Variants in EML5 observed in about 807,000 individuals in gnomAD.
EML5 encodes the protein EMAP like 5, also known as echinoderm microtubule-associated protein-like 5.
A neutral mutation model predicts 250.0 loss-of-function variants in EML5; 120 were observed. The ratio of observed to expected loss-of-function variants is 0.48; its 90% CI spans 0.41 to 0.56. EML5 has a LOEUF of 0.56. Ranked by LOEUF, EML5 falls within the 20% of genes least tolerant of loss-of-function variation. The probability of loss-of-function intolerance (pLI) is 0.00; values close to 1 mark genes in which losing one functional copy is unlikely to be tolerated. For synonymous variants in EML5, 771 were observed against 806.5 expected, an observed-to-expected ratio of 0.96 and a Z score of 0.75; for missense variants, 2,006 against 2,437.6, an observed-to-expected ratio of 0.82 and a Z score of 3.73.
intron 1 of EML5, among the ~76,000 whole-genome samples, chr14:88,760,876 AT>A (rs1464230687): frequency 5.9e-5 from 9 of 152,110 alleles, no homozygotes; most frequent in Non-Finnish European, 1.0e-4. Flanking sequence ...CCTTGCATAG[AT>A]TTTGTAAAAT....
chr14:88,649,670 T>C (rs572319781), intron 28 of EML5, among the ~76,000 whole-genome samples: 3 of 152,330 alleles, frequency 2.0e-5, no homozygotes, highest in African/African-American at 2.4e-5. Flanking sequence ...TTCATTTGCA[T>C]TGTAGTAGTT....
intron 33 of EML5, among the ~76,000 whole-genome samples, chr14:88,628,868 T>C (rs1293613789): frequency 6.6e-6 from 1 of 152,000 alleles, no homozygotes; most frequent in Non-Finnish European, 1.5e-5. Context: ...AAGTAGAAAT[T>C]GTTCAAAGAT....
chr14:88,642,702 C>G (rs567367120), intron 31 of EML5, among the ~76,000 whole-genome samples, 191 bp downstream of exon 31: 41 of 152,272 alleles, frequency 2.7e-4, no homozygotes, highest in African/African-American at 9.6e-4. Flanking sequence ...CTGTATTATA[C>G]TCTCTTAAAA....
Position 88,620,948 on chromosome 14 carries a change from AAAAG to A in EML5, c.5203-26_5203-23del, listed in dbSNP as rs761483664. On this transcript the variant is annotated intron_variant, in intron 38 of 43. Coordinates refer to ENST00000554922, the MANE Select transcript of EML5 (RefSeq NM_183387.3). This position sits in a 1 kb window ranked among gnomAD's most constrained non-coding sequence, Gnocchi z 4.3. Reference sequence around the variant, plus strand: ...TCTTCTGCATTTAAAAAAAAAAAAAAAAAGAGTCATAGGAAACATTAAGTGAAGT... The same window carrying A: ...TCTTCTGCATTTAAAAAAAAAAAAAAAGTCATAGGAAACATTAAGTGAAGT... The A allele has an allele frequency of 2.2e-5, 33 of 1,489,382 alleles. No individual in the cohort carries two copies. Among genetic ancestry groups the A allele is most frequent in the Non-Finnish European group, 2.8e-5 (31 of 1,124,972 alleles). 92.3% of individuals were successfully genotyped at this position (1,489,382 alleles called of 1,614,324 possible). A position where few individuals can be genotyped will look rare whatever the true frequency, so the allele number is the denominator to read the frequency against.
chr14:88,653,461 A>G (rs1353226404), intron 27 of EML5, among the ~76,000 whole-genome samples: 3 of 152,110 alleles, frequency 2.0e-5, no homozygotes, highest in African/African-American at 7.2e-5. Flanking sequence ...TTACTTTGAG[A>G]TATGTTCCAT....
chr14:88,739,125 A>G, intron 5 of EML5, 111 bp from the exon 6 acceptor site: 1 of 978,544 alleles, frequency 1.0e-6, no homozygotes. Context: ...AGGATATAAG[A>G]ATAAACAAAT....
At chr14:88,664,833 C>G (rs1443852576) in intron 22 of EML5, among the ~76,000 whole-genome samples, 1 of 151,946 alleles carries the variant, frequency 6.6e-6, no homozygotes, top group African/African-American at 2.4e-5. Context: ...CAAATTAGTT[C>G]AGTGGGAAGC....
At chr14:88,726,206 G>A (rs777743661) in intron 8 of EML5, among the ~76,000 whole-genome samples, 10 of 152,082 alleles carry the variant, frequency 6.6e-5, no homozygotes, top group African/African-American at 9.7e-5. Context: ...CTTGTTAAAC[G>A]GAGAGGGATC....
chr14:88,741,156 C>T (rs950018889), intron 4 of EML5, among the ~76,000 whole-genome samples: 6 of 151,256 alleles, frequency 4.0e-5, no homozygotes, highest in African/African-American at 7.3e-5. Context: ...AGTGAGACTC[C>T]GTCTCAAGAA....
chr14:88,731,217 C>T (rs1482278551), intron 7 of EML5, among the ~76,000 whole-genome samples: 3 of 131,532 alleles, frequency 2.3e-5, no homozygotes, highest in East Asian at 4.8e-4. Context: ...TATCCCTCCC[C>T]CCTCCCCCCA....
At chr14:88,756,785 T>A (rs1273845087) in intron 1 of EML5, among the ~76,000 whole-genome samples, 1 of 152,036 alleles carries the variant, frequency 6.6e-6, no homozygotes, top group Admixed American at 6.6e-5. Context: ...AGTACAAGAT[T>A]TGTACACTGA....
At chr14:88,770,868 C>T (rs529846311) in intron 1 of EML5, among the ~76,000 whole-genome samples, 83 of 152,254 alleles carry the variant, frequency 5.5e-4, no homozygotes, top group African/African-American at 1.9e-3. Flanking sequence ...TATTGTGACA[C>T]TATCATCTGA....
intron 14 of EML5, among the ~76,000 whole-genome samples, chr14:88,698,012 C>A (rs2093120108): frequency 6.6e-6 from 1 of 152,142 alleles, no homozygotes; most frequent in Non-Finnish European, 1.5e-5. Context: ...GCTGGGATTA[C>A]AGGTGTGAGC....
chr14:88,621,378 T>C lies in EML5; in HGVS notation c.5014-77A>G, dbSNP rs2088889912. 4 of 1,554,190 alleles carry C rather than the reference T, an allele frequency of 2.6e-6. No individual in the cohort carries two copies. The South Asian group carries it at 4.5e-5, about 18-fold the overall frequency. ...CTTCTTCATAATATAAAAATGACCC[T>C]ATTGACCTGCTTTCAGAGAACTTTT... is the stretch of plus-strand genomic sequence containing the variant. On this transcript the variant is annotated intron_variant, in intron 37 of 43. Transcript: ENST00000554922.
intron 31 of EML5, among the ~76,000 whole-genome samples, chr14:88,641,307 A>G (rs2091052884): frequency 6.6e-6 from 1 of 152,106 alleles, no homozygotes; most frequent in Non-Finnish European, 1.5e-5. Context: ...GACATTTGAA[A>G]AAAGAAAACT....
At chr14:88,696,388 T>G (rs2093079909) in intron 15 of EML5, among the ~76,000 whole-genome samples, 1 of 152,092 alleles carries the variant, frequency 6.6e-6, no homozygotes. Context: ...CTGAAATTAT[T>G]TTTACAAGAC....
intron 22 of EML5, 57 bp downstream of exon 22, chr14:88,665,280 C>T (rs930418343): frequency 1.3e-6 from 2 of 1,515,416 alleles, no homozygotes; most frequent in African/African-American, 1.4e-5. Context: ...TACATTGATA[C>T]ATTTATACAC....
At chr14:88,784,341 C>A (rs1188350615) in intron 1 of EML5, among the ~76,000 whole-genome samples, 2 of 145,720 alleles carry the variant, frequency 1.4e-5, no homozygotes, top group East Asian at 2.0e-4. Flanking sequence ...TACAAAATTT[C>A]AAGGAAACAA....
At chr14:88,752,695 G>C (rs1361314002) in intron 2 of EML5, among the ~76,000 whole-genome samples, 1 of 152,184 alleles carries the variant, frequency 6.6e-6, no homozygotes, top group African/African-American at 2.4e-5. Flanking sequence ...CCCTCAATGA[G>C]AACATGCACT....
Sources: allele counts gnomAD v4.1 joint callset (sites outside exome capture counted in the v4.1 genomes callset), GRCh38; gene constraint gnomAD v4.1.1; non-coding constraint Gnocchi (gnomAD v3.1); transcripts MANE v1.5; gene names NCBI Gene and HGNC (gene_info 2026-07-23, HGNC 2026-07-21).